ACMSD: variants seen among roughly 807,000 people sequenced by gnomAD.
ACMSD encodes the protein 2-amino-3-carboxymuconate-6-semialdehyde decarboxylase.
ACMSD carries 37 observed loss-of-function variants against 45.9 expected under a neutral mutation model. That is an observed-to-expected ratio of 0.81 (90% CI 0.62 to 1.06). ACMSD has a LOEUF of 1.06. Ranked by LOEUF, ACMSD falls within the 50% of genes least tolerant of loss-of-function variation. The probability of loss-of-function intolerance (pLI) is 0.00; values close to 1 mark genes in which losing one functional copy is unlikely to be tolerated. For missense variants in ACMSD, 434 were observed against 420.9 expected, an observed-to-expected ratio of 1.03 and a Z score of -0.27; for synonymous variants, 138 against 148.8, an observed-to-expected ratio of 0.93 and a Z score of 0.53.
chr2:134,845,483 ATTGGAAT>A (rs1687006985), intron 2 of ACMSD, among the ~76,000 whole-genome samples: 1 of 148,500 alleles, frequency 6.7e-6, no homozygotes, highest in Non-Finnish European at 1.5e-5. Context: ...GGAAGATAAA[ATTGGAAT>A]TTGAGAACAC....
At chr2:134,866,754 T>C (rs1688117627) in intron 5 of ACMSD, among the ~76,000 whole-genome samples, 1 of 152,268 alleles carries the variant, frequency 6.6e-6, no homozygotes, top group Admixed American at 6.5e-5. Context: ...TAATATTCAA[T>C]GCCTGTTGAG....
At chr2:134,876,331 C>T (rs769674011) in intron 8 of ACMSD, among the ~76,000 whole-genome samples, 104 of 152,272 alleles carry the variant, frequency 6.8e-4, no homozygotes, top group Middle Eastern at 3.4e-3. Context: ...CTTTTTGACT[C>T]TTAATAACAC....
At chr2:134,859,897 T>G (rs1285782311) in intron 3 of ACMSD, among the ~76,000 whole-genome samples, 1 of 152,180 alleles carries the variant, frequency 6.6e-6, no homozygotes, top group Non-Finnish European at 1.5e-5. Context: ...AATTAGGAAG[T>G]GTTCGTTTCA....
intron 5 of ACMSD, among the ~76,000 whole-genome samples, chr2:134,864,838 T>C (rs1020040642): frequency 6.6e-6 from 1 of 152,228 alleles, no homozygotes; most frequent in Non-Finnish European, 1.5e-5. Flanking sequence ...CAAGTGTCCA[T>C]AGTTCCACAG....
intron 4 of ACMSD, chr2:134,863,100 T>C: frequency 1.1e-6 from 1 of 940,664 alleles, no homozygotes; most frequent in Non-Finnish European, 1.3e-6. Flanking sequence ...TGGCCCATGC[T>C]CATTCCATCT....
chr2:134,890,446 C>G (rs1559068313), intron 8 of ACMSD, among the ~76,000 whole-genome samples: 2 of 152,016 alleles, frequency 1.3e-5, no homozygotes, highest in East Asian at 3.9e-4. Flanking sequence ...AGAGACATAA[C>G]AACTAAATTT....
intron 7 of ACMSD, among the ~76,000 whole-genome samples, chr2:134,871,267 CCTT>C (rs1688422151): frequency 6.6e-6 from 1 of 152,166 alleles, no homozygotes; most frequent in Non-Finnish European, 1.5e-5. Flanking sequence ...GGTTTCTCCT[CCTT>C]TTCTTACAAG....
chr2:134,881,472 T>C (rs1353467673), intron 8 of ACMSD, among the ~76,000 whole-genome samples: 1 of 152,224 alleles, frequency 6.6e-6, no homozygotes, highest in Non-Finnish European at 1.5e-5. Context: ...AGTAAGAAGA[T>C]GAACCTAAGC....
At chr2:134,859,442 G>GT in intron 3 of ACMSD, 85 bp downstream of exon 3, 1 of 1,324,852 alleles carries the variant, frequency 7.5e-7, no homozygotes, top group Non-Finnish European at 1.1e-6. Context: ...TTATGTGATG[G>GT]TAACTTCTGA....
chr2:134,864,737 G>C (rs1402425243), intron 5 of ACMSD, among the ~76,000 whole-genome samples: 1 of 152,180 alleles, frequency 6.6e-6, no homozygotes, highest in Non-Finnish European at 1.5e-5. Context: ...TGCTCATTGT[G>C]TTATTGTTTA....
intron 8 of ACMSD, among the ~76,000 whole-genome samples, chr2:134,896,345 A>G (rs1373616488): frequency 6.6e-6 from 1 of 152,236 alleles, no homozygotes; most frequent in East Asian, 1.9e-4. Context: ...TCAAAAGACA[A>G]TACCAAGGAA....
chr2:134,874,254 C>T (rs1460851370), intron 8 of ACMSD, among the ~76,000 whole-genome samples: 1 of 152,176 alleles, frequency 6.6e-6, no homozygotes, highest in African/African-American at 2.4e-5. Flanking sequence ...ATCTTACATT[C>T]AAACTGTGAA....
At chr2:134,886,246 A>ATTTTTTTTTTTTTTTTTT (rs756206850) in intron 8 of ACMSD, among the ~76,000 whole-genome samples, 1 of 115,476 alleles carries the variant, frequency 8.7e-6, no homozygotes, top group African/African-American at 3.6e-5. Context: ...TATTATTATT[A>ATTTTTTTTTTTTTTTTTT]TTTTTTTTTT....
intron 8 of ACMSD, among the ~76,000 whole-genome samples, chr2:134,888,323 A>C (rs1276057540): frequency 6.6e-6 from 1 of 152,206 alleles, no homozygotes; most frequent in Non-Finnish European, 1.5e-5. Flanking sequence ...ATGATGAGAA[A>C]ACACTGCACA....
chr2:134,885,341 T>TTA (rs1445497596), intron 8 of ACMSD, among the ~76,000 whole-genome samples: 1 of 102,486 alleles, frequency 9.8e-6, no homozygotes, highest in Non-Finnish European at 1.8e-5. Flanking sequence ...AAATATATAT[T>TTA]TATATATAAT....
chr2:134,852,573 C>T (rs1294915270), intron 2 of ACMSD, among the ~76,000 whole-genome samples: 1 of 152,082 alleles, frequency 6.6e-6, no homozygotes, highest in African/African-American at 2.4e-5. Context: ...GGATAGAAGC[C>T]GCCAACCCAG....
intron 8 of ACMSD, among the ~76,000 whole-genome samples, chr2:134,890,801 G>A (rs1176789500): frequency 6.6e-6 from 1 of 151,864 alleles, no homozygotes. Context: ...TTACATGGAA[G>A]GTTCCTGAAT....
At chr2:134,845,850 G>A (rs1201647790) in intron 2 of ACMSD, among the ~76,000 whole-genome samples, 1 of 152,088 alleles carries the variant, frequency 6.6e-6, no homozygotes, top group Admixed American at 6.5e-5. Context: ...CCAGGGCATG[G>A]GTCTGACTTC....
In ACMSD at chr2:134,847,556, C is replaced by G. The variant is rs529312330; in HGVS notation, c.102+2279C>G. 1.1e-4 allele frequency among the ~76,000 whole-genome samples: 17 copies of G among 152,222 alleles called. No individual in the cohort carries two copies. In the South Asian group the frequency reaches 2.9e-3, roughly 26 times the overall value. On this transcript the variant is annotated intron_variant, in intron 2 of 9. Transcript: ENST00000356140. ...ACAAGTGCCATGGTGGTTCACTGCA[C>G]CCATCAACTCGTCATCTACATTAGG...
Sources: allele counts gnomAD v4.1 joint callset (sites outside exome capture counted in the v4.1 genomes callset), GRCh38; gene constraint gnomAD v4.1.1; transcripts MANE v1.5; gene names NCBI Gene and HGNC (gene_info 2026-07-23, HGNC 2026-07-21).